ADAMTS16: variants seen among roughly 807,000 people sequenced by gnomAD.
ADAMTS16 encodes the protein ADAM metallopeptidase with thrombospondin type 1 motif 16.
ADAMTS16 carries 94 observed loss-of-function variants against 145.8 expected under a neutral mutation model. The ratio of observed to expected loss-of-function variants is 0.64; its 90% confidence interval spans 0.55 to 0.77. The LOEUF is 0.77. Among genes scored for constraint, ADAMTS16 ranks in the 30% least tolerant of loss-of-function variants. The pLI is 0.00. For missense variants in ADAMTS16, 1,585 were observed against 1,591.5 expected (o/e 1.00, Z 0.07); for synonymous variants, 659 against 604.3 (o/e 1.09, Z -1.33).
intron 3 of ADAMTS16, among the ~76,000 whole-genome samples, chr5:5,163,000 C>G (rs1734783055): frequency 6.6e-6 from 1 of 152,048 alleles, no homozygotes; most frequent in Non-Finnish European, 1.5e-5. Flanking sequence ...TTAATGTGGC[C>G]AAGCCAAAAA....
At chr5:5,213,146 T>C (rs1736323486) in intron 10 of ADAMTS16, among the ~76,000 whole-genome samples, 1 of 152,238 alleles carries the variant, frequency 6.6e-6, no homozygotes, top group African/African-American at 2.4e-5. Context: ...TGCAATGTTG[T>C]AGTTTTTGTT....
intron 3 of ADAMTS16, among the ~76,000 whole-genome samples, chr5:5,173,396 A>C (rs1411678811): frequency 7.5e-6 from 1 of 133,382 alleles, no homozygotes; most frequent in Non-Finnish European, 1.7e-5. Flanking sequence ...CTTGCTTTTT[A>C]CTGTTTGTGT....
intron 11 of ADAMTS16, among the ~76,000 whole-genome samples, chr5:5,229,114 C>A (rs530965176): frequency 7.9e-5 from 12 of 151,444 alleles, no homozygotes; most frequent in African/African-American, 2.7e-4. Flanking sequence ...CTGGCTAACA[C>A]GGTGAAACCC....
At chr5:5,167,314 A>T (rs1734910086) in intron 3 of ADAMTS16, among the ~76,000 whole-genome samples, 2 of 152,230 alleles carry the variant, frequency 1.3e-5, no homozygotes, top group African/African-American at 4.8e-5. Flanking sequence ...CACTCCCTGG[A>T]TAAGAGAGAC....
At position 5,311,803 on chromosome 5, in the gene ADAMTS16, G is replaced by A. The variant is rs375804344; in HGVS notation, c.3411+5075G>A. On this transcript the variant is annotated intron_variant, in intron 21 of 22. Coordinates refer to ENST00000274181, the MANE Select transcript of ADAMTS16 (RefSeq NM_139056.4). Reference sequence around the variant, plus strand: ...CCAATCTCGGCTCACTGCAAGCTCCGCCTCCCGGGTTCAAGCCATTCTCCT... The same window carrying A: ...CCAATCTCGGCTCACTGCAAGCTCCACCTCCCGGGTTCAAGCCATTCTCCT... 7.9e-5 allele frequency among the ~76,000 whole-genome samples: 12 copies of A among 151,034 alleles called. No individual in the cohort carries two copies. The East Asian group carries it at 1.6e-3, about 20-fold the overall frequency.
intron 3 of ADAMTS16, among the ~76,000 whole-genome samples, chr5:5,164,236 C>T (rs965387066): frequency 2.0e-5 from 3 of 152,204 alleles, no homozygotes; most frequent in African/African-American, 2.4e-5. Flanking sequence ...CCTTCCATTT[C>T]GGGCTGCCCT....
chr5:5,233,500 C>T (rs1737000783), intron 12 of ADAMTS16, among the ~76,000 whole-genome samples: 1 of 152,190 alleles, frequency 6.6e-6, no homozygotes, highest in African/African-American at 2.4e-5. Context: ...CCACCCTCCA[C>T]CTTCCAACAG....
chr5:5,226,522 G>A (rs1051191333), intron 11 of ADAMTS16, among the ~76,000 whole-genome samples: 7 of 152,128 alleles, frequency 4.6e-5, no homozygotes, highest in Non-Finnish European at 7.4e-5. Flanking sequence ...TAGGGACACA[G>A]CCAAACCATA....
chr5:5,314,711 G>C (rs1481064211), intron 21 of ADAMTS16, among the ~76,000 whole-genome samples: 2 of 152,154 alleles, frequency 1.3e-5, no homozygotes, highest in African/African-American at 4.8e-5. Flanking sequence ...ACGGGGAATT[G>C]TAAAACTCTC....
intron 3 of ADAMTS16, among the ~76,000 whole-genome samples, chr5:5,151,376 T>C (rs58054072): frequency 0.11 from 16,746 of 151,700 alleles, 947 homozygotes; most frequent in East Asian, 0.19. Context: ...GTACCTGGGA[T>C]TGCAGGTGCA....
At chr5:5,169,743 C>A (rs112310963) in intron 3 of ADAMTS16, among the ~76,000 whole-genome samples, 1 of 152,164 alleles carries the variant, frequency 6.6e-6, no homozygotes, top group African/African-American at 2.4e-5. Context: ...AGGTCGTCCA[C>A]GCCCAGTTTC....
At chr5:5,164,802 G>T (rs561754558) in intron 3 of ADAMTS16, among the ~76,000 whole-genome samples, 1 of 151,982 alleles carries the variant, frequency 6.6e-6, no homozygotes, top group African/African-American at 2.4e-5. Flanking sequence ...TCAGCCTCCC[G>T]AGTAGCTGGG....
intron 18 of ADAMTS16, among the ~76,000 whole-genome samples, chr5:5,267,279 A>T (rs185055183): frequency 6.6e-6 from 1 of 152,328 alleles, no homozygotes; most frequent in Admixed American, 6.5e-5. Context: ...GTCCCTGGGC[A>T]GCTTGTGTTA....
In ADAMTS16 at chr5:5,303,677, GAGCCCA is replaced by G. The variant is rs776377399; in HGVS notation, c.3104_3109del (p.Lys1035_Pro1036del). On this transcript the variant is annotated inframe_deletion, in exon 20 of 23. Transcript: ENST00000274181. ...GCTGCCCGACGCTGTCTGCACCTCCGAGCCCAAGCCCAGGATGCATGAAGCCTGTCT... is the reference window on the plus strand; with the variant it reads ...GCTGCCCGACGCTGTCTGCACCTCCGAGCCCAGGATGCATGAAGCCTGTCT... The G allele has an allele frequency of 6.2e-7, 1 of 1,613,844 alleles. No homozygotes were observed. Among genetic ancestry groups the G allele is most frequent in the Non-Finnish European group, 8.5e-7 (1 of 1,180,026 alleles).
intron 17 of ADAMTS16, among the ~76,000 whole-genome samples, chr5:5,256,154 T>C (rs1230568154): frequency 6.6e-6 from 1 of 152,224 alleles, no homozygotes; most frequent in Non-Finnish European, 1.5e-5. Context: ...TCCATCAGCA[T>C]TCTCAACTGA....
intron 2 of ADAMTS16, among the ~76,000 whole-genome samples, chr5:5,144,017 C>T (rs1361430609): frequency 1.3e-5 from 2 of 151,996 alleles, no homozygotes; most frequent in East Asian, 3.9e-4. Context: ...ATTAGAAATA[C>T]CTAATGTAGA....
At chr5:5,277,696 C>T (rs989593219) in intron 18 of ADAMTS16, among the ~76,000 whole-genome samples, 8 of 152,142 alleles carry the variant, frequency 5.3e-5, no homozygotes, top group African/African-American at 1.9e-4. Context: ...AAAGACTAAG[C>T]TGGGTGTGGC....
chr5:5,238,456 A>G (rs1252538295), intron 14 of ADAMTS16, among the ~76,000 whole-genome samples: 1 of 152,230 alleles, frequency 6.6e-6, no homozygotes, highest in East Asian at 1.9e-4. Flanking sequence ...CCTTTTAGAC[A>G]TAGGTCTAAA....
Position 5,319,848 on chromosome 5 carries a change from A to C in ADAMTS16, c.*710A>C, listed in dbSNP as rs1734216848. 2.2e-6 allele frequency: 1 copy of C among 455,146 alleles called. No homozygotes were observed. Among genetic ancestry groups the C allele is most frequent in the Admixed American group, 2.4e-5 (1 of 42,258 alleles). 28.2% of individuals were successfully genotyped at this position (455,146 alleles called of 1,614,324 possible). A position where few individuals can be genotyped will look rare whatever the true frequency, so the allele number is the denominator to read the frequency against. On this transcript the variant is annotated 3_prime_UTR_variant, in exon 23 of 23. Transcript: ENST00000274181. Reference sequence around the variant, plus strand: ...CTCTTTCAGATTCATGCATTGAAGGAGAGATTTTTTATACTTTATGTTTTA... The same window carrying C: ...CTCTTTCAGATTCATGCATTGAAGGCGAGATTTTTTATACTTTATGTTTTA...
Sources: gnomAD v4.1 joint callset for allele counts (sites outside exome capture counted in the v4.1 genomes callset) on GRCh38, gnomAD v4.1.1 for gene constraint, MANE v1.5 for transcripts, NCBI Gene and HGNC (gene_info 2026-07-23, HGNC 2026-07-21) for gene names.